ZZEF1: variants seen among roughly 807,000 people sequenced by gnomAD.
ZZEF1 encodes the protein zinc finger ZZ-type and EF-hand domain containing 1, also known as zinc finger ZZ-type and EF-hand domain-containing protein 1.
Under a neutral mutation model 342.8 loss-of-function variants are expected in ZZEF1, and 157 were observed. The ratio of observed to expected loss-of-function variants is 0.46; its 90% CI spans 0.40 to 0.52. ZZEF1 has a LOEUF of 0.52. ZZEF1 is among the 20% of genes least tolerant of loss of function. The probability of loss-of-function intolerance (pLI) is 0.00; values close to 1 mark genes in which losing one functional copy is unlikely to be tolerated. For synonymous variants in ZZEF1, 1,505 were observed against 1,429.1 expected, an observed-to-expected ratio of 1.05 and a Z score of -1.20; for missense variants, 3,480 against 3,725.6, an observed-to-expected ratio of 0.93 and a Z score of 1.72.
Position 4,052,134 on chromosome 17 carries a change from C to G in ZZEF1, c.5437G>C (p.Gly1813Arg). 3 of 1,610,304 alleles carry G rather than the reference C, an allele frequency of 1.9e-6. No individual in the cohort carries two copies. The highest frequency in any genetic ancestry group is 1.1e-5 in the South Asian group (1 of 90,580). ...TCTCCGTGGCCCTCAGGCTTCACCC[C>G]ACCTGAGGAGAAACACAGCAGTGTG... ...MDLCKTCFLGGVKPEGHGDDH... is the reference protein window; with the variant it reads ...MDLCKTCFLGRVKPEGHGDDH... Residue 1813 changes from glycine (G) to arginine (R), a missense_variant and splice_region_variant, in exon 35 of 55, where the codon GGG becomes CGG. By Grantham distance (125) the Gly-to-Arg change is moderately radical. Transcript: ENST00000381638.
At chr17:4,020,955 C>T (rs1319673963) in intron 45 of ZZEF1, among the ~76,000 whole-genome samples, 174 bp downstream of exon 45, 1 of 152,294 alleles carries the variant, frequency 6.6e-6, no homozygotes, top group East Asian at 1.9e-4. Context: ...TGTTGTGGGG[C>T]TTTTCTGTTC....
Position 4,075,253 on chromosome 17 carries a change from G to A in ZZEF1, c.3401+10C>T, listed in dbSNP as rs771880696. 1.2e-6 allele frequency: 2 copies of A among 1,613,854 alleles called. No homozygotes were observed. Among genetic ancestry groups the A allele is most frequent in the African/African-American group, 1.3e-5 (1 of 74,900 alleles). ...TAGCGCTTGGGGGTGAAAGAATATA[G>A]AAGTCTTACCTTTTTTCAGTTTCAC... On this transcript the variant is annotated intron_variant, in intron 22 of 54. Transcript: ENST00000381638.
intron 3 of ZZEF1, among the ~76,000 whole-genome samples, chr17:4,116,023 AT>A (rs2058388054): frequency 1.3e-5 from 2 of 152,206 alleles, no homozygotes; most frequent in African/African-American, 4.8e-5. Context: ...AATGGAATGT[AT>A]TAAGAATCTA....
chr17:4,085,908 T>G, intron 15 of ZZEF1, 105 bp from the exon 16 acceptor site: 3 of 1,405,630 alleles, frequency 2.1e-6, no homozygotes, highest in Non-Finnish European at 2.9e-6. Context: ...TTGTACTTAA[T>G]ACCAGAGTGA....
chr17:4,112,770 G>A lies in ZZEF1; in HGVS notation c.905C>T (p.Ser302Phe), dbSNP rs2058334961. 6.3e-7 allele frequency: 1 copy of A among 1,599,496 alleles called. No homozygotes were observed. ...MKPDVVLRHL[S>F]IAVAATDQSY... ...CTGGTCAGTGGCAGCCACTGCAATG[G>A]ACAGGTGCCTAAGCACAACATCTGG... The change falls in exon 5 of 55, where the codon TCC (serine) becomes TTC (phenylalanine). Residue 302 changes from serine to phenylalanine, a missense_variant. Physicochemically the swap from Ser to Phe is radical, Grantham distance 155 (BLOSUM62 -2). Coordinates refer to ENST00000381638, the MANE Select transcript of ZZEF1 (RefSeq NM_015113.4).
chr17:4,117,033 CAT>C lies in ZZEF1; in HGVS notation c.631_632del (p.Met211ValfsTer28). ...TCAGGACGGAAGACCGCATGGTGCA[CAT>C]GTTATTGCAGTGCTCCAGCATCGGG... ...PYPMLEHCNN[M>X]CTMRSSVLKE... On this transcript the variant is annotated frameshift_variant, in exon 3 of 55. Coordinates refer to ENST00000381638, the MANE Select transcript of ZZEF1 (RefSeq NM_015113.4). LOFTEE classifies it high-confidence loss of function. 7 of 1,614,030 alleles carry C rather than the reference CAT, an allele frequency of 4.3e-6. No homozygotes were observed. The highest frequency in any genetic ancestry group is 2.2e-5 in the East Asian group (1 of 44,888).
chr17:4,013,401 G>C (rs374284639), intron 52 of ZZEF1, 48 bp downstream of exon 52: 4 of 1,508,664 alleles, frequency 2.7e-6, no homozygotes, highest in Non-Finnish European at 3.6e-6. Flanking sequence ...GCCACAGAGT[G>C]GGGATACATA....
In ZZEF1 at chr17:4,013,432, T is replaced by C. The variant is rs201968928; in HGVS notation, c.8579+17A>G. The C allele has an allele frequency of 1.3e-6, 2 of 1,584,586 alleles. No individual in the cohort carries two copies. Among genetic ancestry groups the C allele is most frequent in the Non-Finnish European group, 1.7e-6 (2 of 1,161,802 alleles). On this transcript the variant is annotated intron_variant, in intron 52 of 54. Transcript: ENST00000381638. ...ACATATGCCTGGCAAAGGGCTGCCATCCGGGACACCGCTTACCTGTGGCCG... is the reference window on the plus strand; with the variant it reads ...ACATATGCCTGGCAAAGGGCTGCCACCCGGGACACCGCTTACCTGTGGCCG...
chr17:4,069,757 GGAGGTGGAGGTTGTGGTGA>G (rs1249905581), intron 26 of ZZEF1, among the ~76,000 whole-genome samples: 1 of 152,198 alleles, frequency 6.6e-6, no homozygotes, highest in African/African-American at 2.4e-5. Flanking sequence ...CTTGAACCCG[GGAGGTGGAGGTTGTGGTGA>G]GTCAAGATCG....
chr17:4,136,094 G>A lies in ZZEF1; in HGVS notation c.354+6448C>T, dbSNP rs369313053. 5.2e-4 allele frequency among the ~76,000 whole-genome samples: 76 copies of A among 146,830 alleles called. 1 individual carries two copies. Among genetic ancestry groups the A allele is most frequent in the African/African-American group, 1.7e-3 (68 of 40,198 alleles). On this transcript the variant is annotated intron_variant, in intron 1 of 54. Transcript: ENST00000381638. ...TGCAACCTGTCGCCCAGGTTCAAGCGATTCTCCTGCCTCAGCCTCCCGAGT... is the reference window on the plus strand; with the variant it reads ...TGCAACCTGTCGCCCAGGTTCAAGCAATTCTCCTGCCTCAGCCTCCCGAGT...
chr17:4,042,299 T>C (rs2056819488), intron 39 of ZZEF1, 130 bp downstream of exon 39: 4 of 1,004,206 alleles, frequency 4.0e-6, no homozygotes, highest in Non-Finnish European at 4.4e-6. Context: ...CAGAAGAAAA[T>C]AATTATAACT....
intron 26 of ZZEF1, among the ~76,000 whole-genome samples, chr17:4,068,417 G>C (rs2057444846): frequency 1.3e-5 from 2 of 152,126 alleles, no homozygotes; most frequent in African/African-American, 4.8e-5. Flanking sequence ...CTCCCGAGTA[G>C]CTGGAATTAC....
chr17:4,046,284 T>C (rs1483185651), intron 37 of ZZEF1, among the ~76,000 whole-genome samples: 1 of 152,230 alleles, frequency 6.6e-6, no homozygotes, highest in African/African-American at 2.4e-5. Flanking sequence ...AGGTGACAGC[T>C]GTCAGCTGCA....
intron 4 of ZZEF1, 49 bp downstream of exon 4, chr17:4,114,250 A>G (rs1196123199): frequency 5.0e-6 from 7 of 1,397,508 alleles, no homozygotes; most frequent in Non-Finnish European, 6.6e-6. Flanking sequence ...AGTTAAGAAG[A>G]AAACAATCCA....
intron 43 of ZZEF1, among the ~76,000 whole-genome samples, 160 bp downstream of exon 43, chr17:4,024,759 T>C (rs2056364776): frequency 6.6e-6 from 1 of 152,208 alleles, no homozygotes; most frequent in Non-Finnish European, 1.5e-5. Flanking sequence ...TATTTCCTCT[T>C]TGAAGTTATC....
chr17:4,054,571 T>C (rs1348793481), intron 33 of ZZEF1, among the ~76,000 whole-genome samples: 7 of 152,030 alleles, frequency 4.6e-5, no homozygotes, highest in Non-Finnish European at 1.0e-4. Context: ...AATAGCAAAT[T>C]TGACAGACAG....
chr17:4,054,328 T>C, intron 33 of ZZEF1, 133 bp from the exon 34 acceptor site: 1 of 975,394 alleles, frequency 1.0e-6, no homozygotes. Context: ...TGATAATGAA[T>C]AAGCTCCTCA....
At chr17:4,082,346 T>C in intron 17 of ZZEF1, 91 bp downstream of exon 17, 2 of 1,266,390 alleles carry the variant, frequency 1.6e-6, no homozygotes, top group Non-Finnish European at 2.3e-6. Context: ...GAAGTACTAC[T>C]TCGAAGGCAC....
chr17:4,102,314 C>T lies in ZZEF1; in HGVS notation c.1672+3G>A. The T allele has an allele frequency of 6.2e-7, 1 of 1,613,322 alleles. No homozygotes were observed. The highest frequency in any genetic ancestry group is 1.1e-5 in the South Asian group (1 of 91,042). ...ACTAGAAACAGACAGACCCACCACTCACCATCCCTTGTCCACGGTTCAACA... is the reference window on the plus strand; with the variant it reads ...ACTAGAAACAGACAGACCCACCACTTACCATCCCTTGTCCACGGTTCAACA... On this transcript the variant is annotated splice_donor_region_variant and intron_variant, in intron 9 of 54. Coordinates refer to ENST00000381638, the MANE Select transcript of ZZEF1 (RefSeq NM_015113.4).
Sources: gnomAD v4.1 joint callset for allele counts (sites outside exome capture counted in the v4.1 genomes callset) on GRCh38, gnomAD v4.1.1 for gene constraint, MANE v1.5 for transcripts, NCBI Gene and HGNC (gene_info 2026-07-23, HGNC 2026-07-21) for gene names.